The following CHL1 variants were observed in gnomAD, a reference collection of about 807,000 sequenced individuals.
The protein encoded by CHL1 is neural cell adhesion molecule L1-like protein.
A neutral mutation model predicts 141.9 loss-of-function variants in CHL1; 96 were observed. That is an observed-to-expected ratio of 0.68 (90% CI 0.57 to 0.80). CHL1 has a LOEUF of 0.80. Ranked by LOEUF, CHL1 falls within the 30% of genes least tolerant of loss-of-function variation. The probability of loss-of-function intolerance (pLI) is 0.00; values close to 1 mark genes in which losing one functional copy is unlikely to be tolerated. For synonymous variants in CHL1, 613 were observed against 502.2 expected (o/e 1.22, Z -2.95); for missense variants, 1,820 against 1,457.2 (o/e 1.25, Z -4.05).
At chr3:261,172 A>G (rs575247551) in intron 2 of CHL1, among the ~76,000 whole-genome samples, 2 of 152,326 alleles carry the variant, frequency 1.3e-5, no homozygotes, top group South Asian at 4.2e-4. Flanking sequence ...ACCCAAGTGT[A>G]ATCAAAGTTA....
chr3:391,795 T>A lies in CHL1; in HGVS notation c.2912T>A (p.Ile971Lys). The A allele has an allele frequency of 6.3e-7, 1 of 1,580,206 alleles. No individual in the cohort carries two copies. The highest frequency in any genetic ancestry group is 8.6e-7 in the Non-Finnish European group (1 of 1,164,486). ...NLTGYLLQYQ[I>K]INDTYEIGEL... ...ACTGGCTATCTTTTGCAATATCAGA[T>A]AAGTAAGTAGAAATTTGAATTGGAG... The change falls in exon 23 of 28, where the codon ATA becomes AAA. Residue 971 changes from isoleucine (I) to lysine (K), a missense_variant and splice_region_variant. Ile to Lys is a moderately radical substitution (Grantham distance 102). Transcript: ENST00000256509.
At chr3:349,632 AAAACAGG>A in intron 10 of CHL1, 89 bp downstream of exon 10, 1 of 1,101,084 alleles carries the variant, frequency 9.1e-7, no homozygotes, top group South Asian at 1.5e-5. Context: ...CATACATGTT[AAAACAGG>A]TCAGCAGTTT....
Position 310,196 on chromosome 3 carries a change from G to A in CHL1, c.-94-9487G>A, listed in dbSNP as rs148399248. ...ACAGTGGCTAGCACTTTGGGAGGTC[G>A]AGGTGGGAGGATCATTTAAGGCCAG... On this transcript the variant is annotated intron_variant, in intron 2 of 27. Coordinates refer to ENST00000256509, the MANE Select transcript of CHL1 (RefSeq NM_006614.4). Among the ~76,000 whole-genome samples the A allele has an allele frequency of 5.8e-3, 878 of 152,252 alleles. 2 individuals are homozygous for A. The highest frequency in any genetic ancestry group is 0.011 in the South Asian group (54 of 4,810).
chr3:206,370 G>A (rs1470329885), intron 1 of CHL1, among the ~76,000 whole-genome samples: 1 of 152,112 alleles, frequency 6.6e-6, no homozygotes, highest in Non-Finnish European at 1.5e-5. Flanking sequence ...GGAGGCTGAG[G>A]CAGGAGAATC....
rs1451379832 is a variant in CHL1, at chr3:391,767, T to G, written c.2884T>G (p.Leu962Val). Residue 962 changes from leucine to valine, a missense_variant, in exon 23 of 28, where the codon TTA (leucine) becomes GTA (valine). Transcript: ENST00000256509. ...WGLPKKLNGN[L>V]TGYLLQYQII... ...ACTACCTAAGAAATTAAATGGAAAC[T>G]TAACTGGCTATCTTTTGCAATATCA... is the stretch of plus-strand genomic sequence containing the variant. The G allele has an allele frequency of 2.5e-6, 4 of 1,597,302 alleles. No homozygotes were observed. Among genetic ancestry groups the G allele is most frequent in the South Asian group, 2.3e-5 (2 of 88,094 alleles).
chr3:329,254 G>A (rs143401222), intron 5 of CHL1, among the ~76,000 whole-genome samples: 3 of 151,876 alleles, frequency 2.0e-5, no homozygotes, highest in East Asian at 1.9e-4. Flanking sequence ...GCTTCTATTC[G>A]GTAATTTCTT....
intron 6 of CHL1, among the ~76,000 whole-genome samples, chr3:341,122 T>C (rs566623839): frequency 6.6e-6 from 1 of 152,314 alleles, no homozygotes; most frequent in East Asian, 1.9e-4. Flanking sequence ...CTTTGGAATA[T>C]AGATCATGTG....
intron 15 of CHL1, among the ~76,000 whole-genome samples, chr3:371,467 C>T (rs1705623810): frequency 6.6e-6 from 1 of 152,114 alleles, no homozygotes; most frequent in Non-Finnish European, 1.5e-5. Context: ...GGTAAATTTT[C>T]CTCCATCCCT....
At chr3:243,947 C>G (rs1018853511) in intron 1 of CHL1, among the ~76,000 whole-genome samples, 1 of 152,122 alleles carries the variant, frequency 6.6e-6, no homozygotes, top group African/African-American at 2.4e-5. Context: ...GGATGGCATT[C>G]AAAAACAAGC....
chr3:389,302 C>T lies in CHL1; in HGVS notation c.2298C>T (p.Thr766=). 1 of 1,613,958 alleles carries T rather than the reference C, an allele frequency of 6.2e-7. No homozygotes were observed. Among genetic ancestry groups the T allele is most frequent in the Non-Finnish European group, 8.5e-7 (1 of 1,179,952 alleles). ...QNGPGLEYRV[T]WKPQGAPVEW... The stretch of plus-strand genomic sequence containing the variant: ...GACCAGGCCTAGAGTACAGAGTGAC[C>T]TGGAAGCCACAGGGAGCCCCAGTGG... Residue 766 remains threonine, a synonymous_variant, in exon 20 of 28, where the codon ACC becomes ACT. Transcript: ENST00000256509.
chr3:350,232 C>A (rs947304273), intron 10 of CHL1, among the ~76,000 whole-genome samples: 2 of 152,100 alleles, frequency 1.3e-5, no homozygotes, highest in Non-Finnish European at 2.9e-5. Flanking sequence ...GTATTAGTTA[C>A]ATTTATAGGA....
Position 322,648 on chromosome 3 carries a change from A to ATATATATATATATATATATATATAATTT in CHL1, c.91+2803_91+2804insTAATTTTATATATATATATATATATATA, listed in dbSNP as rs1559252730. On this transcript the variant is annotated intron_variant, in intron 3 of 27. Transcript: ENST00000256509. ...TCTAAATTATATATATATATAAAATATATATATATATATATATATATAATT... is the reference window on the plus strand; with the variant it reads ...TCTAAATTATATATATATATAAAATATATATATATATATATATATATATAATTTTATATATATATATATATATATAATT... Among the ~76,000 whole-genome samples the ATATATATATATATATATATATATAATTT allele has an allele frequency of 6.6e-4, 30 of 45,496 alleles. No individual in the cohort carries two copies. The African/African-American group carries it at 9.7e-3, about 15-fold the overall frequency. 29.8% of individuals were successfully genotyped at this position (45,496 alleles called of 152,430 possible).
chr3:319,390 A>G (rs2125033657), intron 2 of CHL1, among the ~76,000 whole-genome samples: 1 of 151,930 alleles, frequency 6.6e-6, no homozygotes, highest in Non-Finnish European at 1.5e-5. Context: ...TTGAGAATAA[A>G]AAAGAAAAAC....
intron 2 of CHL1, among the ~76,000 whole-genome samples, chr3:269,388 A>G (rs1695438517): frequency 6.6e-6 from 1 of 152,150 alleles, no homozygotes; most frequent in African/African-American, 2.4e-5. Flanking sequence ...GAACTTCCGA[A>G]TCTGTTTCTG....
chr3:242,400 T>G (rs575644126), intron 1 of CHL1, among the ~76,000 whole-genome samples: 16 of 140,508 alleles, frequency 1.1e-4, no homozygotes, highest in Non-Finnish European at 1.2e-4. Flanking sequence ...ATCGAGACCA[T>G]CCTGGCTAAC....
chr3:206,539 C>T (rs528389395), intron 1 of CHL1, among the ~76,000 whole-genome samples: 118 of 151,980 alleles, frequency 7.8e-4, no homozygotes, highest in Non-Finnish European at 1.4e-3. Flanking sequence ...AGACCAGCAA[C>T]ACAGCAAGAC....
At chr3:389,873 G>A (rs1232876232) in intron 20 of CHL1, among the ~76,000 whole-genome samples, 2 of 152,270 alleles carry the variant, frequency 1.3e-5, no homozygotes, top group African/African-American at 2.4e-5. Context: ...TCAGTGGCAT[G>A]TCTGGAGCTT....
rs762141147 is a variant in CHL1, at chr3:376,435, C to G, written c.1752-1383C>G. 4 of 513,808 alleles carry G rather than the reference C, an allele frequency of 7.8e-6. No individual in the cohort carries two copies. In the East Asian group the frequency reaches 2.2e-4, roughly 29 times the overall value. The allele number at this position is 513,808 out of a possible 1,614,324, so 31.8% of individuals were successfully genotyped here. A position where few individuals can be genotyped will look rare whatever the true frequency, so the allele number is the denominator to read the frequency against. On this transcript the variant is annotated intron_variant, in intron 15 of 27. Coordinates refer to ENST00000256509, the MANE Select transcript of CHL1 (RefSeq NM_006614.4). ...ATTTTTAATAAGTTCTTTAGGTATA[C>G]CATACCTACCACATTTCGAGGACTA...
In CHL1 at chr3:322,646, ATATATATATATATATATATATATAAT is replaced by A. The variant is rs1339114206; in HGVS notation, c.91+2796_91+2821del. On this transcript the variant is annotated intron_variant, in intron 3 of 27. Coordinates refer to ENST00000256509, the MANE Select transcript of CHL1 (RefSeq NM_006614.4). ...TCTCTAAATTATATATATATATAAA[ATATATATATATATATATATATATAAT>A]TATATATATATATATAAAACGAATA... Among the ~76,000 whole-genome samples, 3 of 27,244 alleles carry A rather than the reference ATATATATATATATATATATATATAAT, an allele frequency of 1.1e-4. No homozygotes were observed. In the African/African-American group the frequency reaches 1.6e-3, roughly 15 times the overall value. 17.9% of individuals were successfully genotyped at this position (27,244 alleles called of 152,430 possible). A position where few individuals can be genotyped will look rare whatever the true frequency, so the allele number is the denominator to read the frequency against.
Sources: allele counts gnomAD v4.1 joint callset (sites outside exome capture counted in the v4.1 genomes callset), GRCh38; gene constraint gnomAD v4.1.1; transcripts MANE v1.5; gene names NCBI Gene and HGNC (gene_info 2026-07-23, HGNC 2026-07-21).